The following CACNA1A variants were observed in gnomAD, a reference collection of about 807,000 sequenced individuals.
CACNA1A encodes voltage-dependent P/Q-type calcium channel subunit alpha-1A.
CACNA1A carries 57 observed loss-of-function variants against 262.4 expected under a neutral mutation model. That is an observed-to-expected ratio of 0.22 (90% CI 0.18 to 0.27). CACNA1A has a LOEUF of 0.27. CACNA1A is among the 10% of genes least tolerant of loss of function. The pLI is 1.00. For synonymous variants in CACNA1A, 1,431 were observed against 1,419.3 expected, an observed-to-expected ratio of 1.01 and a Z score of -0.18; for missense variants, 2,526 against 3,562.8, an observed-to-expected ratio of 0.71 and a Z score of 7.41.
chr19:13,485,935 A>AG (rs1979921856), intron 1 of CACNA1A, among the ~76,000 whole-genome samples: 1 of 152,246 alleles, frequency 6.6e-6, no homozygotes, highest in African/African-American at 2.4e-5. Context: ...TGCTTATGCC[A>AG]GTGCCCAAAA....
Position 13,207,657 on chromosome 19 carries a change from A to T in CACNA1A, c.7177T>A (p.Ser2393Thr). 1 of 1,448,904 alleles carries T rather than the reference A, an allele frequency of 6.9e-7. No homozygotes were observed. The highest frequency in any genetic ancestry group is 1.3e-5 in the South Asian group (1 of 75,540). The allele number at this position is 1,448,904 out of a possible 1,614,324, so 89.8% of individuals were successfully genotyped here. ...GGCCCCTCGGACACGTGCGGGCCAGATGCCGGCCACCGGGCCCCGCCGTGT... is the reference window on the plus strand; with the variant it reads ...GGCCCCTCGGACACGTGCGGGCCAGTTGCCGGCCACCGGGCCCCGCCGTGT... ...CRHGGARWPA[S>T]GPHVSEGPPG... Residue 2393 changes from serine to threonine, a missense_variant, in exon 47 of 47, where the codon TCT becomes ACT. Physicochemically the swap from Ser to Thr is moderately conservative, Grantham distance 58 (BLOSUM62 1). Transcript: ENST00000360228. The surrounding 1 kb of genome is among the most constrained non-coding windows in gnomAD (Gnocchi z 5.7).
At chr19:13,254,810 G>A (rs1281870219) in intron 29 of CACNA1A, among the ~76,000 whole-genome samples, 6 of 152,106 alleles carry the variant, frequency 3.9e-5, no homozygotes, top group Non-Finnish European at 7.4e-5. Context: ...TGTGGCAGGC[G>A]ACATAAAGAT....
chr19:13,310,301 C>T (rs955273335), intron 12 of CACNA1A, among the ~76,000 whole-genome samples: 1 of 149,566 alleles, frequency 6.7e-6, no homozygotes, highest in Non-Finnish European at 1.5e-5. Context: ...ACAAAAAATA[C>T]AAAATTAGCC....
At chr19:13,447,680 T>C (rs1457375214) in intron 3 of CACNA1A, among the ~76,000 whole-genome samples, 2 of 152,228 alleles carry the variant, frequency 1.3e-5, no homozygotes, top group East Asian at 3.8e-4. Flanking sequence ...CTTCAGTCTG[T>C]GGCCAAAGGC....
chr19:13,312,553 C>T lies in CACNA1A; in HGVS notation c.1668+116G>A, dbSNP rs17846936. On this transcript the variant is annotated intron_variant, in intron 12 of 46. Coordinates refer to ENST00000360228, the MANE Select transcript of CACNA1A (RefSeq NM_001127222.2). ...ATTGTTTTCTCATTCCTTCTGCATC[C>T]ATCTGAGTCTCTCATATTCAGGGGT... 76 of 642,828 alleles carry T rather than the reference C, an allele frequency of 1.2e-4. No homozygotes were observed. In the East Asian group the frequency reaches 2.2e-3, roughly 19 times the overall value. 39.8% of individuals were successfully genotyped at this position (642,828 alleles called of 1,614,324 possible). A position where few individuals can be genotyped will look rare whatever the true frequency, so the allele number is the denominator to read the frequency against.
chr19:13,322,988 T>C (rs2058286036), intron 10 of CACNA1A, among the ~76,000 whole-genome samples: 1 of 152,166 alleles, frequency 6.6e-6, no homozygotes, highest in African/African-American at 2.4e-5. Flanking sequence ...ATAGCTACTC[T>C]AGGCTGGGCA....
chr19:13,465,430 C>T (rs1195524667), intron 1 of CACNA1A, among the ~76,000 whole-genome samples: 3 of 152,144 alleles, frequency 2.0e-5, no homozygotes, highest in Admixed American at 2.0e-4. Context: ...TGGAATTAAA[C>T]ACGATGTTGC....
intron 44 of CACNA1A, among the ~76,000 whole-genome samples, chr19:13,210,132 G>C (rs1325890090): frequency 2.6e-5 from 4 of 152,192 alleles, no homozygotes; most frequent in Admixed American, 2.6e-4. Context: ...TCTTTTCCCT[G>C]GTGCTTCATC....
At chr19:13,437,403 GAA>G (rs2060629974) in intron 3 of CACNA1A, among the ~76,000 whole-genome samples, 1 of 152,110 alleles carries the variant, frequency 6.6e-6, no homozygotes, top group Admixed American at 6.6e-5. Flanking sequence ...GCTAAGAAAA[GAA>G]AAGGGCCAGG....
intron 1 of CACNA1A, among the ~76,000 whole-genome samples, chr19:13,457,896 G>A (rs1346753376): frequency 6.7e-6 from 1 of 148,620 alleles, no homozygotes; most frequent in Non-Finnish European, 1.5e-5. Context: ...ATACATGATA[G>A]AACAGGAATG....
chr19:13,279,817 A>G (rs1041151554), intron 22 of CACNA1A, among the ~76,000 whole-genome samples: 8 of 150,758 alleles, frequency 5.3e-5, no homozygotes, highest in African/African-American at 1.5e-4. Flanking sequence ...ATTTATTTAT[A>G]TATATTTTGG....
chr19:13,467,607 C>CTT (rs57816533), intron 1 of CACNA1A, among the ~76,000 whole-genome samples: 7,381 of 142,926 alleles, frequency 0.052, 325 homozygotes, highest in East Asian at 0.2. Flanking sequence ...TTTTTCTTTT[C>CTT]TTTTTTTTTT....
chr19:13,286,804 G>A lies in CACNA1A; in HGVS notation c.3252C>T (p.Ser1084=), dbSNP rs765577470. The change falls in exon 20 of 47, where the codon AGC becomes AGT. Residue 1084 remains serine, a synonymous_variant. Coordinates refer to ENST00000360228, the MANE Select transcript of CACNA1A (RefSeq NM_001127222.2). ...TCTGGGGCAGGCCGGCGTGGCCAAG[G>A]CTGCCGTGGGGAGCGGCCGACTCCG... ...ATAESAAPHG[S]LGHAGLPQSP... 2 of 1,613,268 alleles carry A rather than the reference G, an allele frequency of 1.2e-6. No homozygotes were observed. The highest frequency in any genetic ancestry group is 2.2e-5 in the South Asian group (2 of 91,050).
chr19:13,291,373 A>G (rs2057534044), intron 19 of CACNA1A, among the ~76,000 whole-genome samples: 1 of 151,860 alleles, frequency 6.6e-6, no homozygotes, highest in Non-Finnish European at 1.5e-5. Context: ...AATCCCTGCA[A>G]CTACCACCAT....
chr19:13,463,852 G>C (rs1323821329), intron 1 of CACNA1A, among the ~76,000 whole-genome samples: 2 of 152,146 alleles, frequency 1.3e-5, no homozygotes, highest in Non-Finnish European at 2.9e-5. Flanking sequence ...AAAAATAGTA[G>C]TGCAGAGGAG....
intron 24 of CACNA1A, chr19:13,271,767 T>C (rs2057026181): frequency 1.3e-4 from 2 of 15,262 alleles, no homozygotes; most frequent in Admixed American, 8.3e-4. Context: ...CTCCTCAGCA[T>C]TTTTTTTTTT....
rs1457740664 is a variant in CACNA1A at position 13,277,049 on chromosome 19, C to A, written c.3882+20G>T. 1.9e-6 allele frequency: 3 copies of A among 1,580,058 alleles called. No homozygotes were observed. Among genetic ancestry groups the A allele is most frequent in the South Asian group, 2.2e-5 (2 of 90,324 alleles). ...AAAAAAAAAAATTACCGTGTGTTCTCACTTATAATCTGCACTCACCTTGAT... is the reference window on the plus strand; with the variant it reads ...AAAAAAAAAAATTACCGTGTGTTCTAACTTATAATCTGCACTCACCTTGAT... On this transcript the variant is annotated intron_variant, in intron 23 of 46. Coordinates refer to ENST00000360228, the MANE Select transcript of CACNA1A (RefSeq NM_001127222.2).
chr19:13,335,837 TA>T lies in CACNA1A; in HGVS notation c.1050del (p.Phe350LeufsTer3). Reference protein sequence around the residue: ...FIPLIIIGSFFMLNLVLGVLS... With the variant: ...FIPLIIIGSFXMLNLVLGVLS... ...AGCACACCCAGCACAAGGTTCAGCA[TA>T]AAAAAGGAGCCGATGATGATGAGGG... On this transcript the variant is annotated frameshift_variant, in exon 7 of 47. Transcript: ENST00000360228. LOFTEE classifies it high-confidence loss of function. 1 of 1,610,646 alleles carries T rather than the reference TA, an allele frequency of 6.2e-7. No homozygotes were observed. The highest frequency in any genetic ancestry group is 8.5e-7 in the Non-Finnish European group (1 of 1,178,408).
rs33920209 is a variant in CACNA1A, at chr19:13,217,927, CTTTTTT to C, written c.5732-3325_5732-3320del. On this transcript the variant is annotated intron_variant, in intron 38 of 46. Transcript: ENST00000360228. ...CTTGGGCCACACTGTATAGTTCATT[CTTTTTT>C]TTTTTTTTTTTTTTTTTTAAAAAAA... 5.4e-3 allele frequency among the ~76,000 whole-genome samples: 495 copies of C among 91,530 alleles called. 5 individuals are homozygous for C. Among genetic ancestry groups the C allele is most frequent in the African/African-American group, 0.021 (476 of 22,542 alleles). The allele number at this position is 91,530 out of a possible 152,430, so 60.0% of individuals were successfully genotyped here.
Sources: gnomAD v4.1 joint callset for allele counts (sites outside exome capture counted in the v4.1 genomes callset) on GRCh38, gnomAD v4.1.1 for gene constraint, Gnocchi (gnomAD v3.1) non-coding constraint, MANE v1.5 for transcripts, NCBI Gene and HGNC (gene_info 2026-07-23, HGNC 2026-07-21) for gene names.